Variants in ITPR1 observed in about 807,000 individuals in gnomAD.
ITPR1 encodes inositol 1,4,5-trisphosphate receptor type 1.
Under a neutral mutation model 318.4 loss-of-function variants are expected in ITPR1, and 96 were observed. The ratio of observed to expected loss-of-function variants is 0.30; its 90% CI spans 0.26 to 0.36. The LOEUF (loss-of-function observed/expected upper bound fraction) is 0.36. Ranked by LOEUF, ITPR1 falls within the 10% of genes least tolerant of loss-of-function variation. ITPR1 has a pLI of 1.00. For synonymous variants in ITPR1, 1,312 were observed against 1,289.9 expected (o/e 1.02, Z -0.37); for missense variants, 2,440 against 3,460.2 (o/e 0.71, Z 7.40).
intron 52 of ITPR1, among the ~76,000 whole-genome samples, chr3:4,790,243 C>T (rs1448041093): frequency 1.3e-5 from 2 of 152,160 alleles, no homozygotes; most frequent in Non-Finnish European, 2.9e-5. Flanking sequence ...TCCATTTCTG[C>T]CCCCAACAGG....
At chr3:4,535,829 A>C (rs577700708) in intron 4 of ITPR1, among the ~76,000 whole-genome samples, 1 of 152,084 alleles carries the variant, frequency 6.6e-6, no homozygotes, top group Non-Finnish European at 1.5e-5. Flanking sequence ...CTAATGTGTG[A>C]TTAAGTGGGG....
intron 4 of ITPR1, among the ~76,000 whole-genome samples, chr3:4,600,671 A>G (rs1241087833): frequency 6.6e-6 from 1 of 152,118 alleles, no homozygotes; most frequent in East Asian, 1.9e-4. Context: ...TGTGGGGATT[A>G]TGGTGTGAAG....
At chr3:4,541,915 C>T (rs570676041) in intron 4 of ITPR1, among the ~76,000 whole-genome samples, 3 of 152,320 alleles carry the variant, frequency 2.0e-5, no homozygotes, top group South Asian at 2.1e-4. Flanking sequence ...TGAGCCACTG[C>T]GCCCAGCCGC....
chr3:4,606,764 G>T (rs1042678380), intron 4 of ITPR1, among the ~76,000 whole-genome samples: 3 of 152,136 alleles, frequency 2.0e-5, no homozygotes, highest in African/African-American at 7.2e-5. Flanking sequence ...AGGAGGAAAG[G>T]CTCTTGCATG....
intron 44 of ITPR1, among the ~76,000 whole-genome samples, chr3:4,758,587 T>C (rs9883110): frequency 0.025 from 3,832 of 152,290 alleles, 69 homozygotes; most frequent in South Asian, 0.063. Flanking sequence ...GGTATATGTC[T>C]AGGTCATGGA....
At position 4,676,642 on chromosome 3, in the gene ITPR1, C is replaced by T. The variant is rs373515668; in HGVS notation, c.2808C>T (p.Gly936=). The T allele has an allele frequency of 5.0e-5, 81 of 1,613,476 alleles. No homozygotes were observed. The highest frequency in any genetic ancestry group is 3.5e-4 in the African/African-American group (26 of 74,886). ...KSSNVMRSIH[G]VGELMTQVVL... is the part of the protein sequence containing the mutation. ...GTAACGTGATGAGATCTATTCATGG[C>T]GTGGGAGAGCTGATGACCCAGGTGG... Residue 936 remains glycine (G), a synonymous_variant, in exon 24 of 62, where the codon GGC becomes GGT. Transcript: ENST00000649015.
intron 44 of ITPR1, among the ~76,000 whole-genome samples, chr3:4,761,879 G>A (rs531879233): frequency 2.0e-5 from 3 of 152,202 alleles, no homozygotes; most frequent in Non-Finnish European, 4.4e-5. Context: ...TACAGAAAGA[G>A]GCTTAATGAA....
chr3:4,620,871 C>G (rs184523372), intron 4 of ITPR1, among the ~76,000 whole-genome samples: 241 of 152,154 alleles, frequency 1.6e-3, no homozygotes, highest in African/African-American at 5.1e-3. Flanking sequence ...GTGATACTGA[C>G]TTCCTCAACT....
In ITPR1 at chr3:4,775,352, C is replaced by A. The variant is rs756446784; in HGVS notation, c.6090C>A (p.Gly2030=). 3.1e-6 allele frequency: 5 copies of A among 1,613,292 alleles called. No individual in the cohort carries two copies. The highest frequency in any genetic ancestry group is 4.2e-6 in the Non-Finnish European group (5 of 1,179,344). ...CAACTGGAGGCCTTGGTCTTCTGGG[C>A]TTGTATATAAATGAAAAGAATGTAG... ...GSTTGGLGLL[G]LYINEKNVAL... is the part of the protein sequence containing the mutation. Residue 2030 remains glycine, a synonymous_variant, in exon 47 of 62, where the codon GGC becomes GGA. Coordinates refer to ENST00000649015, the MANE Select transcript of ITPR1 (RefSeq NM_001378452.1).
intron 4 of ITPR1, among the ~76,000 whole-genome samples, chr3:4,592,577 T>G (rs1348732173): frequency 6.6e-6 from 1 of 152,068 alleles, no homozygotes; most frequent in African/African-American, 2.4e-5. Context: ...GATGCTGTCA[T>G]GTCTCCAGGG....
At chr3:4,712,562 A>G (rs1362150415) in intron 39 of ITPR1, among the ~76,000 whole-genome samples, 1 of 152,254 alleles carries the variant, frequency 6.6e-6, no homozygotes, top group Non-Finnish European at 1.5e-5. Flanking sequence ...ACGGTCAGCT[A>G]GCTACATTTA....
chr3:4,616,273 A>G (rs965530913), intron 4 of ITPR1, among the ~76,000 whole-genome samples: 1 of 152,248 alleles, frequency 6.6e-6, no homozygotes, highest in African/African-American at 2.4e-5. Context: ...TAGAATGATT[A>G]ATAGAGCAAA....
intron 5 of ITPR1, among the ~76,000 whole-genome samples, chr3:4,638,578 G>C (rs2093259888): frequency 2.6e-5 from 4 of 152,134 alleles, no homozygotes. Context: ...ATGTGGATTT[G>C]AATACTATCT....
At chr3:4,678,376 G>C (rs2094226650) in intron 24 of ITPR1, among the ~76,000 whole-genome samples, 1 of 152,058 alleles carries the variant, frequency 6.6e-6, no homozygotes, top group African/African-American at 2.4e-5. Context: ...GTTCCAAAGT[G>C]GTGTCTTGGA....
intron 4 of ITPR1, among the ~76,000 whole-genome samples, chr3:4,547,098 A>G (rs181398212): frequency 3.9e-5 from 6 of 151,962 alleles, no homozygotes; most frequent in African/African-American, 1.4e-4. Context: ...TTGAGTGTCT[A>G]CTCCATTCAA....
intron 54 of ITPR1, among the ~76,000 whole-genome samples, chr3:4,804,213 A>G (rs1466846923): frequency 6.6e-6 from 1 of 152,198 alleles, no homozygotes; most frequent in Non-Finnish European, 1.5e-5. Context: ...CATGGAATGT[A>G]TGGGAGAGGG....
At position 4,544,344 on chromosome 3, in the gene ITPR1, G is replaced by A. The variant is rs187722299; in HGVS notation, c.163+23250G>A. Among the ~76,000 whole-genome samples the A allele has an allele frequency of 4.6e-3, 699 of 152,220 alleles. 3 individuals carry two copies. Among genetic ancestry groups the A allele is most frequent in the Middle Eastern group, 0.041 (12 of 294 alleles). On this transcript the variant is annotated intron_variant, in intron 4 of 61. Coordinates refer to ENST00000649015, the MANE Select transcript of ITPR1 (RefSeq NM_001378452.1). ...TGATTGAAGAATACCAGCTTTTGTC[G>A]ACAGTACAGGTAATGTAACTATCCA...
At chr3:4,665,017 T>C (rs1462467373) in intron 16 of ITPR1, 121 bp from the exon 17 acceptor site, 1 of 996,388 alleles carries the variant, frequency 1.0e-6, no homozygotes, top group Non-Finnish European at 1.6e-6. Flanking sequence ...TATGGATGTG[T>C]TGGGATAGAG....
intron 24 of ITPR1, among the ~76,000 whole-genome samples, chr3:4,678,032 C>CT (rs377230880): frequency 1.7e-4 from 26 of 151,424 alleles, no homozygotes; most frequent in Admixed American, 3.3e-4. Flanking sequence ...TTAGCACCTT[C>CT]TTTTTTTTTA....
Sources: allele counts gnomAD v4.1 joint callset (sites outside exome capture counted in the v4.1 genomes callset), GRCh38; gene constraint gnomAD v4.1.1; transcripts MANE v1.5; gene names NCBI Gene and HGNC (gene_info 2026-07-23, HGNC 2026-07-21).